Variants in SGCZ observed in about 807,000 individuals in gnomAD.
SGCZ encodes zeta-sarcoglycan.
In SGCZ, 40 loss-of-function variants were observed where a neutral mutation model predicts 41.3. The observed-to-expected ratio is 0.97, with a 90% CI of 0.75 to 1.26. SGCZ has a LOEUF of 1.26. Ranked by LOEUF, SGCZ falls within the 50% of genes most tolerant of loss-of-function variation. The pLI, the probability that SGCZ is intolerant of heterozygous loss-of-function variation, is 0.00. For synonymous variants in SGCZ, 206 were observed against 137.5 expected (o/e 1.50, Z -3.49); for missense variants, 552 against 369.8 (o/e 1.49, Z -4.04).
intron 2 of SGCZ, among the ~76,000 whole-genome samples, chr8:14,519,145 T>C (rs985776701): frequency 6.6e-6 from 1 of 151,244 alleles, no homozygotes; most frequent in Non-Finnish European, 1.5e-5. Context: ...AGTTACTAGA[T>C]CAATTAAGCA....
At chr8:14,673,335 A>G (rs959025906) in intron 1 of SGCZ, among the ~76,000 whole-genome samples, 4 of 152,158 alleles carry the variant, frequency 2.6e-5, no homozygotes, top group African/African-American at 9.7e-5. Flanking sequence ...GGTTTCCCCC[A>G]TGCTATTCTC....
At chr8:14,411,941 G>A (rs996106368) in intron 2 of SGCZ, among the ~76,000 whole-genome samples, 20 of 152,202 alleles carry the variant, frequency 1.3e-4, no homozygotes, top group African/African-American at 4.1e-4. Flanking sequence ...AGGCTGACAG[G>A]AAAGAGGTAA....
intron 1 of SGCZ, among the ~76,000 whole-genome samples, chr8:14,858,144 C>A (rs942895502): frequency 2.3e-4 from 35 of 151,850 alleles, no homozygotes; most frequent in African/African-American, 8.0e-4. Context: ...ATCTTGACAA[C>A]CCTTACGTTC....
At chr8:14,422,371 G>A (rs1799659148) in intron 2 of SGCZ, among the ~76,000 whole-genome samples, 1 of 152,136 alleles carries the variant, frequency 6.6e-6, no homozygotes, top group South Asian at 2.1e-4. Flanking sequence ...TATTTACTTT[G>A]CTGACTTGAT....
chr8:14,362,475 G>T (rs889663075), intron 2 of SGCZ, among the ~76,000 whole-genome samples: 1 of 152,064 alleles, frequency 6.6e-6, no homozygotes, highest in Non-Finnish European at 1.5e-5. Flanking sequence ...AGCCAGCAAG[G>T]CTCCATGGGC....
At chr8:14,437,636 G>A (rs966256883) in intron 2 of SGCZ, among the ~76,000 whole-genome samples, 7 of 151,824 alleles carry the variant, frequency 4.6e-5, no homozygotes, top group African/African-American at 1.7e-4. Flanking sequence ...ATAAGCAAAA[G>A]TTCTTCAGAA....
At chr8:15,048,773 T>C (rs989620007) in intron 1 of SGCZ, among the ~76,000 whole-genome samples, 2 of 152,108 alleles carry the variant, frequency 1.3e-5, no homozygotes, top group Non-Finnish European at 2.9e-5. Flanking sequence ...TTTTTATATA[T>C]AGACATATTT....
intron 1 of SGCZ, among the ~76,000 whole-genome samples, chr8:14,621,409 A>C (rs898632699): frequency 6.6e-6 from 1 of 152,158 alleles, no homozygotes; most frequent in Non-Finnish European, 1.5e-5. Flanking sequence ...CACGTTGTGC[A>C]CATGTACCAT....
chr8:15,090,690 C>G (rs911903369), intron 1 of SGCZ, among the ~76,000 whole-genome samples: 1 of 152,102 alleles, frequency 6.6e-6, no homozygotes, highest in Non-Finnish European at 1.5e-5. Flanking sequence ...AAGGTAAAGC[C>G]AAGCGTTGAT....
At chr8:14,650,363 A>G (rs1307422173) in intron 1 of SGCZ, among the ~76,000 whole-genome samples, 1 of 151,938 alleles carries the variant, frequency 6.6e-6, no homozygotes, top group Non-Finnish European at 1.5e-5. Flanking sequence ...AAAAACTTGT[A>G]TTTTAGCTTC....
chr8:14,306,443 T>C (rs1156346496), intron 3 of SGCZ, among the ~76,000 whole-genome samples: 1 of 152,206 alleles, frequency 6.6e-6, no homozygotes, highest in Non-Finnish European at 1.5e-5. Flanking sequence ...ATATTGTAAT[T>C]TCTCTGTAAA....
At chr8:14,474,255 T>C (rs1001451504) in intron 2 of SGCZ, among the ~76,000 whole-genome samples, 1 of 152,238 alleles carries the variant, frequency 6.6e-6, no homozygotes, top group Non-Finnish European at 1.5e-5. Flanking sequence ...CACTTTTGAT[T>C]TGCATTATCA....
intron 1 of SGCZ, among the ~76,000 whole-genome samples, chr8:15,090,059 G>C (rs1341740506): frequency 6.6e-6 from 1 of 152,170 alleles, no homozygotes; most frequent in Non-Finnish European, 1.5e-5. Context: ...TATGTTATCA[G>C]TCAACATATT....
intron 1 of SGCZ, among the ~76,000 whole-genome samples, chr8:14,625,456 T>C (rs1806423182): frequency 1.3e-5 from 2 of 152,210 alleles, no homozygotes; most frequent in South Asian, 4.1e-4. Context: ...ACCATATATA[T>C]AGTGTCCTTA....
At chr8:15,057,323 C>G (rs572601388) in intron 1 of SGCZ, among the ~76,000 whole-genome samples, 1 of 152,220 alleles carries the variant, frequency 6.6e-6, no homozygotes, top group Admixed American at 6.5e-5. Flanking sequence ...TCAGGGACTC[C>G]CTACTTGGTG....
chr8:14,425,081 AT>A (rs200849613), intron 2 of SGCZ, among the ~76,000 whole-genome samples: 2 of 149,808 alleles, frequency 1.3e-5, no homozygotes, highest in Admixed American at 6.6e-5. Context: ...AAATTTCGTT[AT>A]TTTTTTTCTA....
Position 14,482,386 on chromosome 8 carries a change from G to C in SGCZ, c.234+72346C>G, listed in dbSNP as rs561125362. Among the ~76,000 whole-genome samples, 4 of 152,304 alleles carry C rather than the reference G, an allele frequency of 2.6e-5. 1 individual carries two copies. The South Asian group carries it at 6.2e-4, about 24-fold the overall frequency. ...ATTCAGTCAAGCTTTGGGAGTCAGAGTTATGGGTAAAACACTTTACTCACT... is the reference window on the plus strand; with the variant it reads ...ATTCAGTCAAGCTTTGGGAGTCAGACTTATGGGTAAAACACTTTACTCACT... On this transcript the variant is annotated intron_variant, in intron 2 of 7. Coordinates refer to ENST00000382080, the MANE Select transcript of SGCZ (RefSeq NM_139167.4).
intron 1 of SGCZ, among the ~76,000 whole-genome samples, chr8:14,965,690 T>C (rs1263329202): frequency 6.6e-6 from 1 of 152,116 alleles, no homozygotes; most frequent in African/African-American, 2.4e-5. Context: ...AAATATAATA[T>C]GGACAATTTG....
intron 3 of SGCZ, among the ~76,000 whole-genome samples, chr8:14,250,687 T>C (rs1310388319): frequency 2.6e-5 from 4 of 152,150 alleles, no homozygotes; most frequent in Admixed American, 2.6e-4. Context: ...GAGTTAACCC[T>C]TGAGATGCCA....
Sources: allele counts gnomAD v4.1 joint callset (sites outside exome capture counted in the v4.1 genomes callset), GRCh38; gene constraint gnomAD v4.1.1; transcripts MANE v1.5; gene names NCBI Gene and HGNC (gene_info 2026-07-23, HGNC 2026-07-21).